Variants in CCDC33 observed in about 807,000 individuals in gnomAD.
The protein encoded by CCDC33 is coiled-coil domain-containing protein 33.
Under a neutral mutation model 91.9 loss-of-function variants are expected in CCDC33, and 94 were observed. That is an observed-to-expected ratio of 1.02 (90% CI 0.87 to 1.21). The LOEUF (loss-of-function observed/expected upper bound fraction) is 1.21, where lower values mean the gene tolerates loss of function less well. Among genes scored for constraint, CCDC33 ranks in the 50% most tolerant of loss-of-function variants. CCDC33 has a pLI of 0.00. For missense variants in CCDC33, 940 were observed against 935.5 expected, an observed-to-expected ratio of 1.00 and a Z score of -0.06; for synonymous variants, 396 against 374.5, an observed-to-expected ratio of 1.06 and a Z score of -0.66.
chr15:74,214,340 T>G (rs1595873807), upstream of CCDC33, among the ~76,000 whole-genome samples: 1 of 152,246 alleles, frequency 6.6e-6, no homozygotes, highest in East Asian at 1.9e-4. Context: ...CTTCCAAGGC[T>G]GCTCCCTTCC....
intron 2 of CCDC33, among the ~76,000 whole-genome samples, chr15:74,252,181 G>T (rs1369767767): frequency 1.3e-5 from 2 of 152,188 alleles, no homozygotes; most frequent in African/African-American, 4.8e-5. Context: ...TGGAAGGGGG[G>T]TTGTTGAGAC....
Position 74,295,903 on chromosome 15 carries a change from A to G in CCDC33, c.1245A>G (p.Arg415=), listed in dbSNP as rs1292376659. The stretch of plus-strand genomic sequence containing the variant: ...TGGACTTGAGCACGTCCACTCCACG[A>G]GAAGCAGAGGAGGAACCTCTGGTGC... The part of the protein sequence containing the change: ...STMDLSTSTP[R]EAEEEPLVPE... Residue 415 remains arginine, a synonymous_variant, in exon 11 of 19, where the codon CGA becomes CGG. Coordinates refer to ENST00000398814, the MANE Select transcript of CCDC33 (RefSeq NM_025055.5). The G allele has an allele frequency of 3.7e-6, 6 of 1,614,026 alleles. No homozygotes were observed. In the Admixed American group the frequency reaches 1.0e-4, roughly 27 times the overall value.
intron 1 of CCDC33, among the ~76,000 whole-genome samples, chr15:74,239,965 A>T (rs75502506): frequency 1.6e-3 from 241 of 152,334 alleles, no homozygotes; most frequent in African/African-American, 5.7e-3. Flanking sequence ...GATGCAGGAC[A>T]TCTCTGAGGG....
intron 1 of CCDC33, among the ~76,000 whole-genome samples, chr15:74,238,661 C>T (rs990625446): frequency 2.0e-5 from 3 of 152,026 alleles, no homozygotes; most frequent in Middle Eastern, 3.2e-3. Context: ...GTAATCAAAC[C>T]TATCCCTTTT....
rs562626724 is a variant in CCDC33, at chr15:74,242,349, G to C, written c.22-1636G>C. Among the ~76,000 whole-genome samples, 4 of 152,326 alleles carry C rather than the reference G, an allele frequency of 2.6e-5. No individual in the cohort carries two copies. In the East Asian group the frequency reaches 5.8e-4, roughly 22 times the overall value. On this transcript the variant is annotated intron_variant, in intron 1 of 18. Coordinates refer to ENST00000398814, the MANE Select transcript of CCDC33 (RefSeq NM_025055.5). ...CCATTCTGAGCCAAGGACCCAGCCT[G>C]CCGAGGCTGCCACCAAAACCAGAGC...
chr15:74,308,358 G>GACACACACAC (rs3057604), intron 11 of CCDC33, among the ~76,000 whole-genome samples: 43 of 146,012 alleles, frequency 2.9e-4, no homozygotes, highest in Admixed American at 5.4e-4. Context: ...CAGACAGACA[G>GACACACACAC]ACACACACAC....
chr15:74,207,345 T>C (rs1301968546), intron 1 of CCDC33, among the ~76,000 whole-genome samples: 2 of 152,124 alleles, frequency 1.3e-5, no homozygotes, highest in African/African-American at 4.8e-5. Context: ...TGAGTTTCAG[T>C]AATGCCATAA....
intron 13 of CCDC33, 71 bp from the exon 14 acceptor site, chr15:74,330,910 G>A: frequency 2.0e-6 from 3 of 1,535,154 alleles, no homozygotes; most frequent in Admixed American, 3.8e-5. Context: ...AGGGGCCGAG[G>A]TGGACCCTCA....
intron 2 of CCDC33, chr15:74,209,699 T>C: frequency 2.0e-6 from 1 of 488,436 alleles, no homozygotes; most frequent in Non-Finnish European, 3.6e-6. Flanking sequence ...CCCCCTCACC[T>C]GAGCACAGGC....
chr15:74,252,014 G>A (rs2075725568), intron 2 of CCDC33, among the ~76,000 whole-genome samples: 1 of 152,180 alleles, frequency 6.6e-6, no homozygotes, highest in African/African-American at 2.4e-5. Flanking sequence ...TCATTTTACA[G>A]ATGAGGTTCC....
chr15:74,228,476 G>C (rs192845365), intron 2 of CCDC33, among the ~76,000 whole-genome samples: 1 of 152,354 alleles, frequency 6.6e-6, no homozygotes, highest in Non-Finnish European at 1.5e-5. Context: ...GGCAAGGGTT[G>C]GACGGAAAAG....
chr15:74,277,252 G>A (rs1453140381), intron 7 of CCDC33, among the ~76,000 whole-genome samples: 1 of 152,240 alleles, frequency 6.6e-6, no homozygotes, highest in African/African-American at 2.4e-5. Context: ...CAGCAAGGTT[G>A]AGGCAGACCC....
chr15:74,267,363 A>G (rs2076193458), intron 4 of CCDC33, among the ~76,000 whole-genome samples: 1 of 152,218 alleles, frequency 6.6e-6, no homozygotes. Flanking sequence ...GTTGGGGGGT[A>G]CATGGAATAA....
rs573066342 is a variant in CCDC33 at position 74,316,159 on chromosome 15, G to A, written c.1291-14030G>A. 8.5e-5 allele frequency among the ~76,000 whole-genome samples: 13 copies of A among 152,296 alleles called. No individual in the cohort carries two copies. The South Asian group carries it at 1.9e-3, about 22-fold the overall frequency. ...ATAGATGAAATGCCTGAGACCAGGC[G>A]GGAGCCCCTGGGGCCTCCCTGGCTT... On this transcript the variant is annotated intron_variant, in intron 11 of 18. Coordinates refer to ENST00000398814, the MANE Select transcript of CCDC33 (RefSeq NM_025055.5). This position sits in a 1 kb window ranked among gnomAD's most constrained non-coding sequence, Gnocchi z 4.7.
Position 74,298,626 on chromosome 15 carries a change from G to A in CCDC33, c.1290+2678G>A, listed in dbSNP as rs949484254. Among the ~76,000 whole-genome samples the A allele has an allele frequency of 4.0e-5, 6 of 151,796 alleles. No individual in the cohort carries two copies. The South Asian group carries it at 1.2e-3, about 32-fold the overall frequency. The stretch of plus-strand genomic sequence containing the variant: ...GCGATCTCAGCTCACCACAACATCC[G>A]CCTCCCGGGTTCAAGAGATTCTCCT... On this transcript the variant is annotated intron_variant, in intron 11 of 18. Coordinates refer to ENST00000398814, the MANE Select transcript of CCDC33 (RefSeq NM_025055.5).
chr15:74,226,978 G>C (rs2074820552), intron 2 of CCDC33, among the ~76,000 whole-genome samples: 1 of 152,198 alleles, frequency 6.6e-6, no homozygotes, highest in Admixed American at 6.5e-5. Flanking sequence ...GGAATGCACA[G>C]GAGGTGCCAT....
intron 2 of CCDC33, among the ~76,000 whole-genome samples, chr15:74,220,717 G>T (rs2074565271): frequency 6.6e-6 from 1 of 152,216 alleles, no homozygotes; most frequent in South Asian, 2.1e-4. Flanking sequence ...GTCTGCTTCT[G>T]CCAAGACAAG....
At chr15:74,336,250 G>A (rs1290753018), downstream of CCDC33, 13 of 1,421,142 alleles carry the variant, frequency 9.1e-6, 1 homozygote, top group East Asian at 2.8e-5. Context: ...ACAGCCTCCC[G>A]CCTGCCCCAG....
chr15:74,206,721 G>A (rs2074269216), intron 1 of CCDC33, among the ~76,000 whole-genome samples: 1 of 152,214 alleles, frequency 6.6e-6, no homozygotes, highest in African/African-American at 2.4e-5. Flanking sequence ...CTGAAGCCAT[G>A]GAAGATCTGG....
Sources: gnomAD v4.1 joint callset for allele counts (sites outside exome capture counted in the v4.1 genomes callset) on GRCh38, gnomAD v4.1.1 for gene constraint, Gnocchi (gnomAD v3.1) non-coding constraint, MANE v1.5 for transcripts, NCBI Gene and HGNC (gene_info 2026-07-23, HGNC 2026-07-21) for gene names.